MTUS2: variants seen among roughly 807,000 people sequenced by gnomAD.
MTUS2 encodes the protein microtubule-associated tumor suppressor candidate 2.
In MTUS2, 40 loss-of-function variants were observed where a neutral mutation model predicts 114.1. That is an observed-to-expected ratio of 0.35 (90% CI 0.27 to 0.46). MTUS2 has a LOEUF of 0.46. Among genes scored for constraint, MTUS2 ranks in the 20% least tolerant of loss-of-function variants. The pLI is 1.00. For synonymous variants in MTUS2, 688 were observed against 672.0 expected (o/e 1.02, Z -0.37); for missense variants, 1,679 against 1,705.4 (o/e 0.98, Z 0.27).
At chr13:28,990,860 G>A (rs1025685052) in intron 2 of MTUS2, among the ~76,000 whole-genome samples, 2 of 150,018 alleles carry the variant, frequency 1.3e-5, no homozygotes, top group African/African-American at 4.9e-5. Context: ...CACTCACTGC[G>A]AGGGTCTGCG....
intron 10 of MTUS2, among the ~76,000 whole-genome samples, chr13:29,481,079 C>G (rs545440432): frequency 6.6e-6 from 1 of 152,330 alleles, no homozygotes; most frequent in East Asian, 1.9e-4. Flanking sequence ...TTAGAATTGC[C>G]TGCCAACTCT....
At chr13:29,431,997 A>C in intron 8 of MTUS2, among the ~76,000 whole-genome samples, 1 of 144,684 alleles carries the variant, frequency 6.9e-6, no homozygotes, top group East Asian at 2.0e-4. Context: ...AGTGTGCACT[A>C]CCACGCTCAG....
At chr13:29,072,521 TA>T in intron 4 of MTUS2, among the ~76,000 whole-genome samples, 1 of 152,342 alleles carries the variant, frequency 6.6e-6, no homozygotes, top group Non-Finnish European at 1.5e-5. Flanking sequence ...GGGCACTCCA[TA>T]GAAAAGACTT....
chr13:29,128,404 G>C (rs1003260142), intron 5 of MTUS2, among the ~76,000 whole-genome samples: 1 of 152,202 alleles, frequency 6.6e-6, no homozygotes, highest in African/African-American at 2.4e-5. Context: ...AGATGATGCA[G>C]AGGGACTCAG....
intron 2 of MTUS2, among the ~76,000 whole-genome samples, chr13:28,910,281 G>A (rs940499119): frequency 3.3e-5 from 5 of 152,170 alleles, no homozygotes. Context: ...AACATGTGAA[G>A]TTTCTCTTTC....
chr13:29,127,907 G>A (rs77627058), intron 5 of MTUS2, among the ~76,000 whole-genome samples: 1 of 152,178 alleles, frequency 6.6e-6, no homozygotes, highest in Non-Finnish European at 1.5e-5. Context: ...TGGGGGTATG[G>A]CACATACCTC....
chr13:29,154,475 A>G (rs896372781), intron 5 of MTUS2, among the ~76,000 whole-genome samples: 8 of 152,228 alleles, frequency 5.3e-5, no homozygotes, highest in Non-Finnish European at 1.5e-5. Flanking sequence ...GGCTAAATCA[A>G]TGAACCATTA....
At chr13:28,903,775 C>A (rs928973024) in intron 2 of MTUS2, among the ~76,000 whole-genome samples, 30 of 151,662 alleles carry the variant, frequency 2.0e-4, no homozygotes, top group Admixed American at 9.9e-4. Context: ...GGGTATATAC[C>A]CAGTAATGGG....
chr13:29,192,645 C>T (rs908455107), intron 5 of MTUS2, among the ~76,000 whole-genome samples: 4 of 152,048 alleles, frequency 2.6e-5, no homozygotes, highest in East Asian at 3.8e-4. Flanking sequence ...CCACTGTGTA[C>T]CCCATAAATG....
intron 2 of MTUS2, among the ~76,000 whole-genome samples, chr13:28,931,203 G>A (rs770687322): frequency 7.2e-5 from 11 of 152,198 alleles, no homozygotes; most frequent in African/African-American, 2.2e-4. Flanking sequence ...TTCTGCATCC[G>A]TGGATTCAAT....
intron 2 of MTUS2, among the ~76,000 whole-genome samples, chr13:28,987,514 C>T (rs368691809): frequency 1.6e-4 from 25 of 152,026 alleles, no homozygotes; most frequent in African/African-American, 5.8e-4. Context: ...AGACAGGACA[C>T]TTTTAGGCTT....
intron 2 of MTUS2, among the ~76,000 whole-genome samples, chr13:28,910,454 G>A (rs2138007498): frequency 6.6e-6 from 1 of 152,150 alleles, no homozygotes. Context: ...CGTATGCCAT[G>A]GTGGTTTGCC....
intron 6 of MTUS2, among the ~76,000 whole-genome samples, chr13:29,288,870 G>C (rs112931285): frequency 6.6e-6 from 1 of 152,274 alleles, no homozygotes; most frequent in East Asian, 1.9e-4. Context: ...TGGTCTCAGC[G>C]TTTCACGTGC....
chr13:29,475,938 G>C (rs1297547702), intron 9 of MTUS2, among the ~76,000 whole-genome samples: 1 of 152,124 alleles, frequency 6.6e-6, no homozygotes, highest in Non-Finnish European at 1.5e-5. Context: ...TCATGTCGTA[G>C]GCCCTCACAT....
chr13:28,958,862 T>C (rs1883190454), intron 2 of MTUS2, among the ~76,000 whole-genome samples: 1 of 152,236 alleles, frequency 6.6e-6, no homozygotes, highest in Non-Finnish European at 1.5e-5. Flanking sequence ...GATAAGGCAA[T>C]GCATAATTCA....
intron 2 of MTUS2, among the ~76,000 whole-genome samples, chr13:28,937,358 G>A (rs535922872): frequency 6.6e-6 from 1 of 152,012 alleles, no homozygotes; most frequent in African/African-American, 2.4e-5. Flanking sequence ...TCTGTAAAAT[G>A]GACCAATCAG....
At chr13:29,163,045 G>A (rs1217589145) in intron 5 of MTUS2, among the ~76,000 whole-genome samples, 2 of 152,106 alleles carry the variant, frequency 1.3e-5, no homozygotes, top group Admixed American at 6.6e-5. Flanking sequence ...TGATGTGTGC[G>A]CATGTATGTG....
In MTUS2 at chr13:29,281,757, A is replaced by G; in HGVS notation, c.2698A>G (p.Lys900Glu). The G allele has an allele frequency of 6.2e-7, 1 of 1,611,918 alleles. No individual in the cohort carries two copies. Among genetic ancestry groups the G allele is most frequent in the South Asian group, 1.1e-5 (1 of 91,034 alleles). ...AGTTCTGAAGGCATCTCTGCCTTCT[A>G]AGGACACACCCAAGGGGGCCGGCCG... ...QPVLKASLPS[K>E]DTPKGAGRVA... Residue 900 changes from lysine (K) to glutamate (E), a missense_variant, in exon 6 of 16, where the codon AAG becomes GAG. Transcript: ENST00000612955.
chr13:29,148,472 CTTT>C (rs976334425), intron 5 of MTUS2, among the ~76,000 whole-genome samples: 1 of 71,352 alleles, frequency 1.4e-5, no homozygotes, highest in African/African-American at 5.3e-5. Context: ...GTTTGGTTTT[CTTT>C]TTTTTTTTTT....
Sources: allele counts gnomAD v4.1 joint callset (sites outside exome capture counted in the v4.1 genomes callset), GRCh38; gene constraint gnomAD v4.1.1; transcripts MANE v1.5; gene names NCBI Gene and HGNC (gene_info 2026-07-23, HGNC 2026-07-21).